Variants in ZNF385D observed in about 807,000 individuals in gnomAD.
The protein encoded by ZNF385D is zinc finger protein 385D.
In ZNF385D, 15 loss-of-function variants were observed where a neutral mutation model predicts 35.8. The observed-to-expected ratio is 0.42, with a 90% CI of 0.28 to 0.64. The LOEUF is 0.64. ZNF385D is among the 30% of genes least tolerant of loss of function. The pLI is 0.23. For missense variants in ZNF385D, 474 were observed against 494.6 expected (o/e 0.96, Z 0.39); for synonymous variants, 212 against 186.8 (o/e 1.13, Z -1.10).
At chr3:22,040,432 C>T (rs190517024) in intron 3 of ZNF385D, among the ~76,000 whole-genome samples, 282 of 152,210 alleles carry the variant, frequency 1.9e-3, no homozygotes, top group Admixed American at 6.4e-3. Context: ...TGTTACAGAT[C>T]AAGGGTTGCA....
intron 3 of ZNF385D, among the ~76,000 whole-genome samples, chr3:22,019,097 G>A (rs997398232): frequency 2.6e-5 from 3 of 117,300 alleles, no homozygotes; most frequent in Non-Finnish European, 4.9e-5. Flanking sequence ...TAGGGTTCTG[G>A]CTTGCTTCAA....
At chr3:21,991,316 G>A (rs1695132003) in intron 3 of ZNF385D, among the ~76,000 whole-genome samples, 1 of 152,090 alleles carries the variant, frequency 6.6e-6, no homozygotes, top group Non-Finnish European at 1.5e-5. Context: ...ATTCAGTCAA[G>A]CAAACCTAAA....
At chr3:21,939,784 ACTTTGGAAAAGGAATGG>A (rs1701428386) in intron 3 of ZNF385D, among the ~76,000 whole-genome samples, 1 of 152,192 alleles carries the variant, frequency 6.6e-6, no homozygotes, top group South Asian at 2.1e-4. Flanking sequence ...TAGGAGAAAG[ACTTTGGAAAAGGAATGG>A]AAAGCTTTTC....
intron 3 of ZNF385D, among the ~76,000 whole-genome samples, chr3:22,003,157 T>C (rs544029084): frequency 6.6e-6 from 1 of 152,226 alleles, no homozygotes; most frequent in East Asian, 1.9e-4. Flanking sequence ...TGACATAATA[T>C]TACATATTAA....
At chr3:22,242,010 G>T (rs2125315035) in intron 2 of ZNF385D, among the ~76,000 whole-genome samples, 1 of 149,932 alleles carries the variant, frequency 6.7e-6, no homozygotes, top group South Asian at 2.2e-4. Flanking sequence ...TCACTCATAG[G>T]TGGGAATTGA....
At chr3:21,987,961 T>TG in intron 3 of ZNF385D, among the ~76,000 whole-genome samples, 1 of 147,528 alleles carries the variant, frequency 6.8e-6, no homozygotes, top group East Asian at 2.1e-4. Context: ...TTGATTGCAT[T>TG]GGCTCCTGAA....
chr3:21,718,516 C>T (rs955088371), intron 1 of ZNF385D, among the ~76,000 whole-genome samples: 2 of 152,224 alleles, frequency 1.3e-5, no homozygotes, highest in Non-Finnish European at 2.9e-5. Context: ...GAACTTTACA[C>T]ATATTATCTT....
At chr3:21,532,112 T>C (rs1384177501) in intron 3 of ZNF385D, among the ~76,000 whole-genome samples, 1 of 151,948 alleles carries the variant, frequency 6.6e-6, no homozygotes, top group Non-Finnish European at 1.5e-5. Context: ...TCATGGGAGA[T>C]AATGCACCTC....
chr3:22,291,619 G>C (rs756715734), intron 2 of ZNF385D, among the ~76,000 whole-genome samples: 8 of 151,936 alleles, frequency 5.3e-5, no homozygotes, highest in Non-Finnish European at 1.0e-4. Context: ...AGTTAAAGAA[G>C]TGTAATAATT....
intron 2 of ZNF385D, among the ~76,000 whole-genome samples, chr3:22,177,657 T>C (rs1694926282): frequency 1.3e-5 from 2 of 152,212 alleles, no homozygotes; most frequent in Admixed American, 6.5e-5. Context: ...TATGTATACA[T>C]GTGCCGTGTT....
chr3:21,600,290 A>AT (rs1483262503), intron 2 of ZNF385D, among the ~76,000 whole-genome samples: 4 of 152,048 alleles, frequency 2.6e-5, no homozygotes, highest in Non-Finnish European at 4.4e-5. Context: ...CTTGCCCTGA[A>AT]TTTTTTTGTT....
At chr3:22,258,628 C>T (rs937318900) in intron 2 of ZNF385D, among the ~76,000 whole-genome samples, 3 of 151,618 alleles carry the variant, frequency 2.0e-5, no homozygotes, top group Non-Finnish European at 4.4e-5. Context: ...GGTCTCAGAA[C>T]TCCTTATACA....
intron 2 of ZNF385D, among the ~76,000 whole-genome samples, chr3:22,170,401 A>C (rs778090964): frequency 2.8e-4 from 42 of 152,220 alleles, no homozygotes; most frequent in Non-Finnish European, 5.4e-4. Context: ...ATTTTAAAGA[A>C]AATCAAACTA....
intron 3 of ZNF385D, among the ~76,000 whole-genome samples, chr3:21,765,679 A>C (rs751310915): frequency 7.2e-5 from 11 of 151,922 alleles, no homozygotes; most frequent in Non-Finnish European, 1.6e-4. Flanking sequence ...ATAGAGATAC[A>C]TATAAGTGCG....
intron 3 of ZNF385D, among the ~76,000 whole-genome samples, chr3:21,560,900 G>C (rs1005036535): frequency 1.3e-5 from 2 of 152,128 alleles, no homozygotes; most frequent in South Asian, 2.1e-4. Context: ...CTGAGCTTCA[G>C]TGGGCTCCGC....
intron 1 of ZNF385D, among the ~76,000 whole-genome samples, chr3:21,666,131 C>T (rs1356977316): frequency 2.0e-5 from 3 of 152,164 alleles, no homozygotes; most frequent in African/African-American, 7.2e-5. Context: ...GTATAAATTG[C>T]CTTTGCAAAT....
chr3:21,940,129 C>T lies in ZNF385D; in HGVS notation c.325+228688G>A, dbSNP rs374347046. On this transcript the variant is annotated intron_variant, in intron 3 of 5. Transcript: ENST00000494108. ...TCTTTGGAAACTTTTGTCTTGTTTGCGTTATTTTATAAGTTTCTGACAAAC... is the reference window on the plus strand; with the variant it reads ...TCTTTGGAAACTTTTGTCTTGTTTGTGTTATTTTATAAGTTTCTGACAAAC... 7.6e-4 allele frequency among the ~76,000 whole-genome samples: 116 copies of T among 152,008 alleles called. 1 individual carries two copies. The highest frequency in any genetic ancestry group is 6.0e-3 in the East Asian group (31 of 5,172).
intron 3 of ZNF385D, among the ~76,000 whole-genome samples, chr3:22,064,552 G>T (rs2125548385): frequency 6.6e-6 from 1 of 152,288 alleles, no homozygotes. Context: ...TCTGTCATCA[G>T]ATGAACAGAT....
chr3:21,993,697 T>A (rs1400160279), intron 3 of ZNF385D, among the ~76,000 whole-genome samples: 5 of 152,136 alleles, frequency 3.3e-5, no homozygotes. Context: ...TTGCTGGGAA[T>A]CACAATGCAA....
Sources: allele counts gnomAD v4.1 joint callset (sites outside exome capture counted in the v4.1 genomes callset), GRCh38; gene constraint gnomAD v4.1.1; transcripts MANE v1.5; gene names NCBI Gene and HGNC (gene_info 2026-07-23, HGNC 2026-07-21).